TMPRSS3: variants seen among roughly 807,000 people sequenced by gnomAD.
TMPRSS3 encodes transmembrane serine protease 3.
A neutral mutation model predicts 59.6 loss-of-function variants in TMPRSS3; 55 were observed. The ratio of observed to expected loss-of-function variants is 0.92; its 90% confidence interval spans 0.74 to 1.16. The LOEUF (loss-of-function observed/expected upper bound fraction) is 1.16. TMPRSS3 is among the 50% of genes most tolerant of loss of function. TMPRSS3 has a pLI of 0.00. For synonymous variants in TMPRSS3, 257 were observed against 237.7 expected (o/e 1.08, Z -0.75); for missense variants, 596 against 579.4 (o/e 1.03, Z -0.29).
At chr21:42,391,072 G>A (rs993480079) in intron 2 of TMPRSS3, among the ~76,000 whole-genome samples, 3 of 152,196 alleles carry the variant, frequency 2.0e-5, no homozygotes, top group African/African-American at 7.2e-5. Context: ...TAAGATGGAG[G>A]GGAAGTAGCA....
At chr21:42,395,245 A>G (rs1203809058) in intron 2 of TMPRSS3, 79 bp downstream of exon 2, 1 of 1,237,394 alleles carries the variant, frequency 8.1e-7, no homozygotes, top group East Asian at 2.3e-5. Flanking sequence ...TATTTCCCCC[A>G]CAGGGACAGT....
intron 2 of TMPRSS3, among the ~76,000 whole-genome samples, chr21:42,391,366 C>T (rs1315832157): frequency 6.6e-6 from 1 of 152,176 alleles, no homozygotes; most frequent in African/African-American, 2.4e-5. Context: ...TGTTGATACA[C>T]CATTCTCCAC....
intron 8 of TMPRSS3, chr21:42,382,598 G>A: frequency 5.1e-6 from 2 of 392,244 alleles, no homozygotes; most frequent in Non-Finnish European, 9.6e-6. Flanking sequence ...AGTCTTTTCT[G>A]TAGTTTTCTT....
intron 10 of TMPRSS3, among the ~76,000 whole-genome samples, chr21:42,376,937 G>A (rs1358523966): frequency 1.3e-5 from 2 of 152,150 alleles, no homozygotes; most frequent in Non-Finnish European, 2.9e-5. Context: ...CAGGGCCACC[G>A]ACTCCCCTAA....
intron 1 of TMPRSS3, 111 bp from the exon 2 acceptor site, chr21:42,395,579 A>T: frequency 1.4e-6 from 1 of 690,770 alleles, no homozygotes; most frequent in Non-Finnish European, 2.6e-6. Context: ...CACAAAGCGC[A>T]TTCAGTATCG....
rs1368614499 is a variant in TMPRSS3 at position 42,388,420 on chromosome 21, G to C, written c.429C>G (p.Ala143=). ...TAACTTACCTTGGGAAACCCAGTTG[G>C]GCACAGGCAACATTTGCGTAGTGAC... The part of the protein sequence containing the change: ...WKGHYANVAC[A]QLGFPSYVSS... The change falls in exon 5 of 13, where the codon GCC becomes GCG. Residue 143 remains alanine (A), a synonymous_variant. Coordinates refer to ENST00000644384, the MANE Select transcript of TMPRSS3 (RefSeq NM_001256317.3). The surrounding 1 kb of genome is among the most constrained non-coding windows in gnomAD (Gnocchi z 5.1). 1.5e-5 allele frequency: 25 copies of C among 1,614,202 alleles called. No individual in the cohort carries two copies. The highest frequency in any genetic ancestry group is 2.1e-5 in the Non-Finnish European group (25 of 1,180,044).
At chr21:42,378,980 G>A (rs773112330) in intron 10 of TMPRSS3, among the ~76,000 whole-genome samples, 19 of 152,150 alleles carry the variant, frequency 1.2e-4, no homozygotes, top group Non-Finnish European at 2.8e-4. Flanking sequence ...CGCCTCCTAG[G>A]TTCAAGTGAT....
chr21:42,380,056 C>T, intron 10 of TMPRSS3, 61 bp downstream of exon 10: 3 of 1,405,214 alleles, frequency 2.1e-6, no homozygotes, highest in Non-Finnish European at 2.0e-6. Context: ...GGGGGAGCCC[C>T]CTCCGCAGCC....
chr21:42,373,143 G>A (rs1344757750), intron 12 of TMPRSS3, among the ~76,000 whole-genome samples: 1 of 152,164 alleles, frequency 6.6e-6, no homozygotes, highest in Non-Finnish European at 1.5e-5. Flanking sequence ...ATGAGGCCAT[G>A]GGCATGCCAC....
chr21:42,372,524 C>A lies in TMPRSS3; in HGVS notation c.*238G>T. ...GCAGTGAGCAGGGATTTCGCCACTG[C>A]ACTCCAGCCTGGGCAACAGAGCGAG... is the stretch of plus-strand genomic sequence containing the variant. On this transcript the variant is annotated 3_prime_UTR_variant, in exon 13 of 13. Transcript: ENST00000644384. 1 of 659,114 alleles carries A rather than the reference C, an allele frequency of 1.5e-6. No individual in the cohort carries two copies. The highest frequency in any genetic ancestry group is 2.8e-6 in the Non-Finnish European group (1 of 358,432). 40.8% of individuals were successfully genotyped at this position (659,114 alleles called of 1,614,324 possible). A position where few individuals can be genotyped will look rare whatever the true frequency, so the allele number is the denominator to read the frequency against.
At chr21:42,381,245 G>A (rs2052523736) in intron 9 of TMPRSS3, among the ~76,000 whole-genome samples, 2 of 152,186 alleles carry the variant, frequency 1.3e-5, no homozygotes, top group African/African-American at 4.8e-5. Context: ...GGCTCTTCTG[G>A]CATTTTCGTA....
Position 42,395,355 on chromosome 21 carries a change from A to G in TMPRSS3, c.63T>C (p.Leu21=), listed in dbSNP as rs749880255. The change falls in exon 2 of 13, where the codon CTT becomes CTC. Residue 21 remains leucine, a synonymous_variant. Coordinates refer to ENST00000644384, the MANE Select transcript of TMPRSS3 (RefSeq NM_001256317.3). ...APFSFRSLFG[L]DDLKISPVAP... is the part of the protein sequence containing the mutation. ...CAACAGGACTTATTTTCAAATCATCAAGGCCAAAAAGCGATCGGAATGAGA... is the reference window on the plus strand; with the variant it reads ...CAACAGGACTTATTTTCAAATCATCGAGGCCAAAAAGCGATCGGAATGAGA... 6 of 1,614,020 alleles carry G rather than the reference A, an allele frequency of 3.7e-6. No individual in the cohort carries two copies. The South Asian group carries it at 4.4e-5, about 12-fold the overall frequency.
chr21:42,372,347 G>A lies in TMPRSS3; in HGVS notation c.*415C>T. ...GGCTGAAGCAGGCACATCATTTGAGGTCAGGGGTTTGAGAGCAGCCTGGCC... is the reference window on the plus strand; with the variant it reads ...GGCTGAAGCAGGCACATCATTTGAGATCAGGGGTTTGAGAGCAGCCTGGCC... On this transcript the variant is annotated 3_prime_UTR_variant, in exon 13 of 13. Transcript: ENST00000644384. 1 of 457,324 alleles carries A rather than the reference G, an allele frequency of 2.2e-6. No individual in the cohort carries two copies. Among genetic ancestry groups the A allele is most frequent in the Non-Finnish European group, 4.4e-6 (1 of 229,070 alleles). The allele number at this position is 457,324 out of a possible 1,614,324, so 28.3% of individuals were successfully genotyped here.
At chr21:42,385,560 C>A in intron 5 of TMPRSS3, 26 bp from the exon 6 acceptor site, 1 of 1,613,786 alleles carries the variant, frequency 6.2e-7, no homozygotes, top group East Asian at 2.2e-5. Context: ...AAAGACAGAC[C>A]CGACGTGGTA....
intron 10 of TMPRSS3, among the ~76,000 whole-genome samples, chr21:42,379,499 T>C (rs1054170872): frequency 2.6e-5 from 4 of 152,070 alleles, no homozygotes; most frequent in Admixed American, 6.5e-5. Flanking sequence ...ACTGTGATAA[T>C]TTGTCACGGC....
intron 11 of TMPRSS3, 55 bp from the exon 12 acceptor site, chr21:42,375,923 G>C: frequency 6.2e-7 from 1 of 1,606,156 alleles, no homozygotes; most frequent in Non-Finnish European, 8.5e-7. Context: ...ATGCGAGATT[G>C]CTTTCTGTGG....
chr21:42,393,328 A>G (rs2052758596), intron 2 of TMPRSS3, among the ~76,000 whole-genome samples: 1 of 152,244 alleles, frequency 6.6e-6, no homozygotes, highest in South Asian at 2.1e-4. Flanking sequence ...CAACTTCACA[A>G]TGATTCACAT....
intron 7 of TMPRSS3, 78 bp downstream of exon 7, chr21:42,383,892 A>G: frequency 1.4e-6 from 2 of 1,476,508 alleles, no homozygotes; most frequent in South Asian, 2.3e-5. Flanking sequence ...CCATGGGGGG[A>G]GAGGACTCTG....
Position 42,389,940 on chromosome 21 carries a change from G to A in TMPRSS3, c.192C>T (p.Ala64=). The part of the protein sequence containing the change: ...IGIIALILAL[A]IGLGIHFDCS... The stretch of plus-strand genomic sequence containing the variant: ...AATTGTACTCACTGCCCAGACCAAT[G>A]GCCAGTGCTAATATCAATGCAATGA... Residue 64 remains alanine, a synonymous_variant, in exon 3 of 13, where the codon GCC becomes GCT. Transcript: ENST00000644384. The A allele has an allele frequency of 6.2e-7, 1 of 1,612,618 alleles. No homozygotes were observed. Among genetic ancestry groups the A allele is most frequent in the South Asian group, 1.1e-5 (1 of 91,046 alleles).
Sources: gnomAD v4.1 joint callset for allele counts (sites outside exome capture counted in the v4.1 genomes callset) on GRCh38, gnomAD v4.1.1 for gene constraint, Gnocchi (gnomAD v3.1) non-coding constraint, MANE v1.5 for transcripts, NCBI Gene and HGNC (gene_info 2026-07-23, HGNC 2026-07-21) for gene names.